The following LARGE1 variants were observed in gnomAD, a reference collection of about 807,000 sequenced individuals.
LARGE1 encodes the protein xylosyl- and glucuronyltransferase LARGE1.
Under a neutral mutation model 87.6 loss-of-function variants are expected in LARGE1, and 43 were observed. The observed-to-expected ratio is 0.49, with a 90% confidence interval of 0.38 to 0.63. The LOEUF (loss-of-function observed/expected upper bound fraction) is 0.63, where lower values mean the gene tolerates loss of function less well. Among genes scored for constraint, LARGE1 ranks in the 30% least tolerant of loss-of-function variants. The pLI is 0.00. For synonymous variants in LARGE1, 434 were observed against 394.6 expected (o/e 1.10, Z -1.18); for missense variants, 802 against 1,000.2 (o/e 0.80, Z 2.67).
chr22:33,537,166 C>A (rs1217609826), intron 6 of LARGE1, among the ~76,000 whole-genome samples: 1 of 152,220 alleles, frequency 6.6e-6, no homozygotes, highest in Non-Finnish European at 1.5e-5. Context: ...CCACATTTCA[C>A]TACAAATGAC....
intron 6 of LARGE1, among the ~76,000 whole-genome samples, chr22:33,453,310 G>A (rs1156327423): frequency 6.6e-6 from 1 of 152,062 alleles, no homozygotes; most frequent in Non-Finnish European, 1.5e-5. Context: ...AGCTACTCAG[G>A]AGGCTGAGGC....
chr22:33,576,558 G>T (rs974490278), intron 5 of LARGE1, among the ~76,000 whole-genome samples: 1 of 151,994 alleles, frequency 6.6e-6, no homozygotes, highest in Non-Finnish European at 1.5e-5. Flanking sequence ...CTTTATCAGG[G>T]TATGCCATAA....
chr22:33,640,502 A>T (rs1200283991), intron 3 of LARGE1, among the ~76,000 whole-genome samples: 1 of 152,222 alleles, frequency 6.6e-6, no homozygotes. Context: ...GAAAGTCAAC[A>T]TGGCAGTTCA....
At chr22:33,641,330 TA>T (rs1170246479) in intron 3 of LARGE1, among the ~76,000 whole-genome samples, 1 of 151,704 alleles carries the variant, frequency 6.6e-6, no homozygotes, top group Admixed American at 6.6e-5. Flanking sequence ...CTAACAAACA[TA>T]AAGCAATAAC....
chr22:33,089,304 C>CTTCT, the LARGE1 span, among the ~76,000 whole-genome samples: 1 of 133,912 alleles, frequency 7.5e-6, no homozygotes, highest in Non-Finnish European at 1.7e-5. Context: ...TCTTCTTCCT[C>CTTCT]TTCTTCTTCT....
intron 9 of LARGE1, among the ~76,000 whole-genome samples, chr22:33,379,070 CAGA>C (rs979341132): frequency 1.3e-5 from 2 of 152,044 alleles, no homozygotes; most frequent in African/African-American, 4.8e-5. Context: ...TTCACCAACC[CAGA>C]AGTTCATCAA....
chr22:33,679,774 G>A (rs539527471), intron 2 of LARGE1, among the ~76,000 whole-genome samples: 33 of 152,168 alleles, frequency 2.2e-4, no homozygotes, highest in African/African-American at 6.3e-4. Context: ...CCCGGGAGGC[G>A]GAGGTTGCAG....
chr22:33,306,109 G>C (rs2146191340), intron 11 of LARGE1, among the ~76,000 whole-genome samples: 1 of 152,282 alleles, frequency 6.6e-6, no homozygotes, highest in African/African-American at 2.4e-5. Context: ...CTCCCAAAGT[G>C]CTGGGCTTAC....
At position 33,620,238 on chromosome 22, in the gene LARGE1, A is replaced by C. The variant is rs1286649257; in HGVS notation, c.491+6006T>G. Among the ~76,000 whole-genome samples, 3 of 152,252 alleles carry C rather than the reference A, an allele frequency of 2.0e-5. 1 individual carries two copies. The East Asian group carries it at 5.8e-4, about 29-fold the overall frequency. On this transcript the variant is annotated intron_variant, in intron 4 of 14. Coordinates refer to ENST00000397394, the MANE Select transcript of LARGE1 (RefSeq NM_133642.5). ...GCAAATAACCCAGCTTCATCCTGCC[A>C]ACAAGGCTGTAGAGTGTGAAAGCAG...
intron 6 of LARGE1, among the ~76,000 whole-genome samples, chr22:33,446,903 T>A (rs1280910736): frequency 6.6e-6 from 1 of 152,174 alleles, no homozygotes. Flanking sequence ...TTTGTTTGTT[T>A]GTGTTTTTGA....
the LARGE1 span, among the ~76,000 whole-genome samples, chr22:33,134,679 A>C: frequency 6.6e-6 from 1 of 152,156 alleles, no homozygotes; most frequent in Non-Finnish European, 1.5e-5. Context: ...CCCCCAGAAG[A>C]AGTGGGGCCT....
At chr22:33,127,333 T>C in the LARGE1 span, among the ~76,000 whole-genome samples, 26 of 117,032 alleles carry the variant, frequency 2.2e-4, no homozygotes, top group Admixed American at 1.3e-3. Flanking sequence ...AGTGGTCAGG[T>C]GAGAGTGTGT....
At chr22:33,237,606 G>A (rs1388329740) in intron 11 of LARGE1, among the ~76,000 whole-genome samples, 1 of 152,102 alleles carries the variant, frequency 6.6e-6, no homozygotes, top group African/African-American at 2.4e-5. Context: ...CTGGCAAAAG[G>A]GTCTGGCTGC....
Position 33,713,987 on chromosome 22 carries a change from A to G in LARGE1, c.106+47384T>C, listed in dbSNP as rs867537785. Among the ~76,000 whole-genome samples, 529 of 120,428 alleles carry G rather than the reference A, an allele frequency of 4.4e-3. 6 individuals carry two copies. Among genetic ancestry groups the G allele is most frequent in the South Asian group, 0.02 (79 of 4,028 alleles). 79.0% of individuals were successfully genotyped at this position (120,428 alleles called of 152,430 possible). A position where few individuals can be genotyped will look rare whatever the true frequency, so the allele number is the denominator to read the frequency against. ...AGTAAATAACGTAACATAACGTAAC[A>G]TAACATAACATAACATAACATAACA... On this transcript the variant is annotated intron_variant, in intron 2 of 14. Transcript: ENST00000397394.
At chr22:33,233,974 C>T (rs1926132498) in intron 11 of LARGE1, among the ~76,000 whole-genome samples, 1 of 152,242 alleles carries the variant, frequency 6.6e-6, no homozygotes, top group Non-Finnish European at 1.5e-5. Flanking sequence ...TTCTGTATTA[C>T]ACTGCCTCCC....
chr22:33,519,118 AT>A (rs2071443866), intron 6 of LARGE1, among the ~76,000 whole-genome samples: 2 of 152,308 alleles, frequency 1.3e-5, no homozygotes, highest in East Asian at 3.9e-4. Flanking sequence ...TTAAAAAAAA[AT>A]CTCATGGATA....
chr22:33,224,059 C>T (rs538859187), intron 11 of LARGE1, among the ~76,000 whole-genome samples: 147 of 152,154 alleles, frequency 9.7e-4, no homozygotes, highest in African/African-American at 2.9e-3. Flanking sequence ...TTTGGGAGGC[C>T]GAGACTGGCA....
intron 2 of LARGE1, among the ~76,000 whole-genome samples, chr22:33,713,490 A>G (rs2082803919): frequency 6.6e-6 from 1 of 152,112 alleles, no homozygotes; most frequent in Non-Finnish European, 1.5e-5. Context: ...TTTATTTGAA[A>G]CACACAAGCC....
rs569391729 is a variant in LARGE1, at chr22:33,460,486, T to C, written c.788-28221A>G. ...CATAAAAACACATAAAAATGCTATG[T>C]AAAAATAATGCATGTATATATGCAC... On this transcript the variant is annotated intron_variant, in intron 6 of 14. Transcript: ENST00000397394. Among the ~76,000 whole-genome samples the C allele has an allele frequency of 5.3e-5, 8 of 152,234 alleles. 1 individual carries two copies. The South Asian group carries it at 1.7e-3, about 32-fold the overall frequency.
Sources: allele counts gnomAD v4.1 joint callset (sites outside exome capture counted in the v4.1 genomes callset), GRCh38; gene constraint gnomAD v4.1.1; transcripts MANE v1.5; gene names NCBI Gene and HGNC (gene_info 2026-07-23, HGNC 2026-07-21).